Variants in CCDC192 observed in about 807,000 individuals in gnomAD.
The protein encoded by CCDC192 is coiled-coil domain-containing protein 192.
chr5:127,861,532 G>T (rs1180743176), intron 5 of CCDC192, among the ~76,000 whole-genome samples: 9 of 151,928 alleles, frequency 5.9e-5, no homozygotes, highest in South Asian at 4.2e-4. Flanking sequence ...ACAGGCGCCT[G>T]TAATCCCAGC....
intron 6 of CCDC192, among the ~76,000 whole-genome samples, chr5:127,889,658 T>C (rs1223432225): frequency 1.3e-5 from 2 of 152,200 alleles, no homozygotes; most frequent in Non-Finnish European, 2.9e-5. Context: ...CACCTCAGCC[T>C]CCCAAAGTGC....
At chr5:127,933,163 G>T (rs988164155) in intron 6 of CCDC192, among the ~76,000 whole-genome samples, 1 of 152,142 alleles carries the variant, frequency 6.6e-6, no homozygotes, top group Non-Finnish European at 1.5e-5. Flanking sequence ...AATAGGTTAC[G>T]TGCTATCGAA....
At position 127,933,581 on chromosome 5, in the gene CCDC192, T is replaced by C. The variant is rs146052665; in HGVS notation, c.536-7601T>C. 4.9e-3 allele frequency among the ~76,000 whole-genome samples: 747 copies of C among 152,328 alleles called. 11 individuals are homozygous for C. Among genetic ancestry groups the C allele is most frequent in the Non-Finnish European group, 3.9e-3 (262 of 68,022 alleles). On this transcript the variant is annotated intron_variant, in intron 6 of 6. Transcript: ENST00000514853. ...AGAGACAAGTGTTTTTCATTCATTCTACGTGTTCACTAAACCATAAACAAG... is the reference window on the plus strand; with the variant it reads ...AGAGACAAGTGTTTTTCATTCATTCCACGTGTTCACTAAACCATAAACAAG...
At chr5:127,786,438 T>C (rs1756540686) in intron 3 of CCDC192, 3 of 626,236 alleles carry the variant, frequency 4.8e-6, no homozygotes, top group South Asian at 1.8e-5. Flanking sequence ...CATGTAACAC[T>C]GTACAACTCC....
intron 6 of CCDC192, among the ~76,000 whole-genome samples, chr5:127,921,166 AAAGAAAAG>A (rs1391235732): frequency 1.5e-4 from 15 of 99,378 alleles, no homozygotes; most frequent in African/African-American, 9.0e-4. Flanking sequence ...GGAGAAAAGA[AAAGAAAAG>A]AAAAGAAGGA....
intron 5 of CCDC192, among the ~76,000 whole-genome samples, chr5:127,849,450 A>G (rs1750703469): frequency 6.6e-6 from 1 of 152,126 alleles, no homozygotes; most frequent in African/African-American, 2.4e-5. Flanking sequence ...TCTGTTCAAG[A>G]GAATGTCTGC....
intron 6 of CCDC192, among the ~76,000 whole-genome samples, chr5:127,884,342 CAAA>C (rs778430655): frequency 4.6e-3 from 54 of 11,816 alleles, no homozygotes; most frequent in South Asian, 0.012. Context: ...GACTCCGTCT[CAAA>C]AAAAAAAAAA....
At chr5:127,764,345 T>C (rs1357680961) in intron 3 of CCDC192, among the ~76,000 whole-genome samples, 1 of 152,174 alleles carries the variant, frequency 6.6e-6, no homozygotes, top group Non-Finnish European at 1.5e-5. Flanking sequence ...AGAGACAAGA[T>C]ATATTTATGA....
At chr5:127,879,343 T>C (rs1159289729) in intron 6 of CCDC192, among the ~76,000 whole-genome samples, 2 of 144,854 alleles carry the variant, frequency 1.4e-5, no homozygotes, top group Non-Finnish European at 3.0e-5. Context: ...GGGAAAGGAT[T>C]CCCTATTTAA....
chr5:127,910,959 A>G (rs1561548498), intron 6 of CCDC192, among the ~76,000 whole-genome samples: 1 of 152,230 alleles, frequency 6.6e-6, no homozygotes, highest in Non-Finnish European at 1.5e-5. Context: ...ACATAAAAAA[A>G]AAACTTCCTC....
chr5:127,798,000 T>G (rs1757275551), intron 4 of CCDC192, 106 bp from the exon 5 acceptor site: 1 of 393,232 alleles, frequency 2.5e-6, no homozygotes, highest in African/African-American at 2.1e-5. Flanking sequence ...GAAATAATGC[T>G]GCCATTCACG....
At chr5:127,794,059 A>G (rs1757027221) in intron 3 of CCDC192, among the ~76,000 whole-genome samples, 1 of 152,204 alleles carries the variant, frequency 6.6e-6, no homozygotes, top group South Asian at 2.1e-4. Context: ...CTGTAGTAGC[A>G]TTCGCGTCTG....
intron 2 of CCDC192, among the ~76,000 whole-genome samples, chr5:127,745,449 C>T (rs1753687323): frequency 6.6e-6 from 1 of 152,114 alleles, no homozygotes; most frequent in Non-Finnish European, 1.5e-5. Context: ...AACTATCAAC[C>T]TCAACATCCA....
At chr5:127,867,593 T>C (rs1258392265) in intron 5 of CCDC192, among the ~76,000 whole-genome samples, 1 of 152,200 alleles carries the variant, frequency 6.6e-6, no homozygotes, top group Non-Finnish European at 1.5e-5. Flanking sequence ...CAAGGGGAAT[T>C]GGACTGGAAA....
intron 3 of CCDC192, among the ~76,000 whole-genome samples, chr5:127,760,701 CAAAAAAAAAAAAA>C (rs56177728): frequency 3.6e-5 from 2 of 54,908 alleles, no homozygotes; most frequent in East Asian, 8.4e-4. Context: ...GATTCTGTCT[CAAAAAAAAAAAAA>C]AAAAAAAAAA....
intron 2 of CCDC192, among the ~76,000 whole-genome samples, chr5:127,734,147 G>C (rs927690981): frequency 4.4e-5 from 6 of 137,444 alleles, no homozygotes; most frequent in African/African-American, 1.6e-4. Context: ...TCATTGTTCA[G>C]TTCCCACCTA....
intron 5 of CCDC192, among the ~76,000 whole-genome samples, chr5:127,811,368 G>A (rs529715711): frequency 5.9e-5 from 9 of 152,258 alleles, no homozygotes; most frequent in African/African-American, 1.9e-4. Context: ...GGAGTTGGGG[G>A]TAGTGTTGGT....
intron 6 of CCDC192, among the ~76,000 whole-genome samples, chr5:127,885,935 T>C (rs922141555): frequency 6.6e-6 from 1 of 152,128 alleles, no homozygotes; most frequent in African/African-American, 2.4e-5. Flanking sequence ...TAATTTGATA[T>C]TTGCCAAAGA....
At chr5:127,887,012 A>G (rs889120907) in intron 6 of CCDC192, among the ~76,000 whole-genome samples, 2 of 152,212 alleles carry the variant, frequency 1.3e-5, no homozygotes, top group African/African-American at 2.4e-5. Flanking sequence ...TAGAATCTCT[A>G]TGTTATAATC....
Sources: allele counts gnomAD v4.1 joint callset (sites outside exome capture counted in the v4.1 genomes callset), GRCh38; gene constraint gnomAD v4.1.1; transcripts MANE v1.5; gene names NCBI Gene and HGNC (gene_info 2026-07-23, HGNC 2026-07-21).